The following ULK4 variants were observed in gnomAD, a reference collection of about 807,000 sequenced individuals.
ULK4 encodes inactive serine/threonine-protein kinase ULK4.
ULK4 carries 133 observed loss-of-function variants against 160.6 expected under a neutral mutation model. The ratio of observed to expected loss-of-function variants is 0.83; its 90% CI spans 0.72 to 0.96. The LOEUF is 0.96. Ranked by LOEUF, ULK4 falls within the 40% of genes least tolerant of loss-of-function variation. The pLI, the probability that ULK4 is intolerant of heterozygous loss-of-function variation, is 0.00. For missense variants in ULK4, 1,580 were observed against 1,499.5 expected, an observed-to-expected ratio of 1.05 and a Z score of -0.89; for synonymous variants, 534 against 539.8, an observed-to-expected ratio of 0.99 and a Z score of 0.15.
At chr3:41,791,359 AC>A (rs1251593469) in intron 20 of ULK4, among the ~76,000 whole-genome samples, 5 of 152,240 alleles carry the variant, frequency 3.3e-5, no homozygotes, top group African/African-American at 1.2e-4. Context: ...CGAACTCCTG[AC>A]CTCAGATGAT....
intron 35 of ULK4, among the ~76,000 whole-genome samples, chr3:41,326,374 CTCTT>C (rs2080338390): frequency 6.6e-6 from 1 of 152,078 alleles, no homozygotes. Flanking sequence ...ATCCCCAGTT[CTCTT>C]TAACTAGATT....
chr3:41,721,279 T>TTTTTTTTTG (rs67078043), intron 22 of ULK4, among the ~76,000 whole-genome samples: 1 of 98,922 alleles, frequency 1.0e-5, no homozygotes, highest in African/African-American at 4.4e-5. Flanking sequence ...TTTTTTTTTT[T>TTTTTTTTTG]TTTTTGGGTT....
intron 11 of ULK4, among the ~76,000 whole-genome samples, chr3:41,910,454 C>T (rs971009695): frequency 2.0e-5 from 3 of 151,758 alleles, no homozygotes; most frequent in East Asian, 1.9e-4. Flanking sequence ...ATTAGCCAGG[C>T]GAGGTGGTGG....
At chr3:41,702,431 C>T (rs1207148089) in intron 27 of ULK4, among the ~76,000 whole-genome samples, 1 of 152,196 alleles carries the variant, frequency 6.6e-6, no homozygotes, top group Admixed American at 6.5e-5. Flanking sequence ...AGGCATGAGT[C>T]ATCCCGCCTG....
chr3:41,334,151 G>A (rs2080504319), intron 35 of ULK4, among the ~76,000 whole-genome samples: 1 of 152,178 alleles, frequency 6.6e-6, no homozygotes, highest in African/African-American at 2.4e-5. Flanking sequence ...TATTATGAGA[G>A]ATGGTTGCTG....
chr3:41,856,526 T>C lies in ULK4; in HGVS notation c.1657-20555A>G, dbSNP rs2042343368. Reference sequence around the variant, plus strand: ...ATAAATAAATAAATATATATATATATATATATGTATGTATATATATATGTG... The same window carrying C: ...ATAAATAAATAAATATATATATATACATATATGTATGTATATATATATGTG... On this transcript the variant is annotated intron_variant, in intron 17 of 36. Coordinates refer to ENST00000301831, the MANE Select transcript of ULK4 (RefSeq NM_017886.4). 1.0e-4 allele frequency among the ~76,000 whole-genome samples: 13 copies of C among 128,714 alleles called. No individual in the cohort carries two copies. In the South Asian group the frequency reaches 2.2e-3, roughly 22 times the overall value. 84.4% of individuals were successfully genotyped at this position (128,714 alleles called of 152,430 possible).
intron 21 of ULK4, among the ~76,000 whole-genome samples, chr3:41,765,768 T>A (rs1315860693): frequency 3.3e-5 from 5 of 152,172 alleles, no homozygotes; most frequent in African/African-American, 1.2e-4. Flanking sequence ...TCAAAATGAA[T>A]ATATTATCTT....
intron 32 of ULK4, among the ~76,000 whole-genome samples, chr3:41,528,448 T>A (rs553440475): frequency 1.3e-5 from 2 of 152,312 alleles, no homozygotes; most frequent in East Asian, 3.9e-4. Context: ...TTTTGGGAAC[T>A]ATAGCATCTT....
At chr3:41,663,732 G>A in intron 29 of ULK4, 33 bp from the exon 30 acceptor site, 5 of 1,570,306 alleles carry the variant, frequency 3.2e-6, no homozygotes, top group Non-Finnish European at 4.4e-6. Flanking sequence ...AAAATACTCA[G>A]TAGGAAAAAT....
At chr3:41,651,953 G>C (rs1048478098) in intron 30 of ULK4, among the ~76,000 whole-genome samples, 1 of 152,046 alleles carries the variant, frequency 6.6e-6, no homozygotes, top group African/African-American at 2.4e-5. Flanking sequence ...ACCCCTCCTT[G>C]AGAAAAGCTA....
chr3:41,733,750 T>TTTTTTTG (rs2037918813), intron 22 of ULK4, among the ~76,000 whole-genome samples: 1 of 144,574 alleles, frequency 6.9e-6, no homozygotes, highest in Non-Finnish European at 1.5e-5. Context: ...TTTTTTTTTT[T>TTTTTTTG]TTTAGACAGA....
At chr3:41,462,867 T>C (rs539544034) in intron 33 of ULK4, among the ~76,000 whole-genome samples, 4 of 152,300 alleles carry the variant, frequency 2.6e-5, no homozygotes, top group African/African-American at 9.6e-5. Context: ...AGTCTTTGCT[T>C]AGTAGTAGGC....
intron 35 of ULK4, among the ~76,000 whole-genome samples, chr3:41,310,332 C>T (rs1316946041): frequency 6.6e-6 from 1 of 152,094 alleles, no homozygotes; most frequent in African/African-American, 2.4e-5. Flanking sequence ...TCAATTATAC[C>T]TGAGAAGTTT....
At chr3:41,557,908 TAAAGA>T (rs751124799) in intron 32 of ULK4, among the ~76,000 whole-genome samples, 3 of 152,080 alleles carry the variant, frequency 2.0e-5, no homozygotes, top group Non-Finnish European at 4.4e-5. Flanking sequence ...AAGACCTATA[TAAAGA>T]AAACTACAAA....
chr3:41,705,376 T>C (rs2036840295), intron 25 of ULK4, 71 bp from the exon 26 acceptor site: 4 of 1,256,812 alleles, frequency 3.2e-6, no homozygotes, highest in Non-Finnish European at 3.3e-6. Context: ...GTAGTTTACA[T>C]TTTGCCCAAA....
rs71075476 is a variant in ULK4 at position 41,564,449 on chromosome 3, CTTTTTTT to C, written c.3226+1569_3226+1575del. ...GACAGGGACGTTTCTTCTTCTTCTT[CTTTTTTT>C]TTTTTTTTTTTTTTTTTTTGAGACA... On this transcript the variant is annotated intron_variant, in intron 32 of 36. Coordinates refer to ENST00000301831, the MANE Select transcript of ULK4 (RefSeq NM_017886.4). 7.1e-3 allele frequency among the ~76,000 whole-genome samples: 575 copies of C among 80,962 alleles called. 4 individuals carry two copies. Among genetic ancestry groups the C allele is most frequent in the Middle Eastern group, 0.018 (2 of 110 alleles). 53.1% of individuals were successfully genotyped at this position (80,962 alleles called of 152,430 possible).
At chr3:41,487,619 A>G (rs1285253578) in intron 32 of ULK4, among the ~76,000 whole-genome samples, 1 of 152,152 alleles carries the variant, frequency 6.6e-6, no homozygotes, top group African/African-American at 2.4e-5. Flanking sequence ...TAATTATGGT[A>G]TAACTACCTA....
At chr3:41,793,270 G>A (rs1208290951) in intron 20 of ULK4, among the ~76,000 whole-genome samples, 6 of 151,780 alleles carry the variant, frequency 4.0e-5, no homozygotes, top group Non-Finnish European at 7.4e-5. Flanking sequence ...AATTTACTTC[G>A]AAAAGAACAT....
chr3:41,635,427 C>T (rs1209763214), intron 30 of ULK4, among the ~76,000 whole-genome samples: 1 of 151,736 alleles, frequency 6.6e-6, no homozygotes. Context: ...TACAACTGTA[C>T]ATATTTATAT....
Sources: gnomAD v4.1 joint callset for allele counts (sites outside exome capture counted in the v4.1 genomes callset) on GRCh38, gnomAD v4.1.1 for gene constraint, MANE v1.5 for transcripts, NCBI Gene and HGNC (gene_info 2026-07-23, HGNC 2026-07-21) for gene names.